Variants in THSD7B observed in about 807,000 individuals in gnomAD.
THSD7B encodes the protein thrombospondin type 1 domain containing 7B.
Under a neutral mutation model 213.6 loss-of-function variants are expected in THSD7B, and 138 were observed. That is an observed-to-expected ratio of 0.65 (90% CI 0.56 to 0.74). The LOEUF is 0.74. Ranked by LOEUF, THSD7B falls within the 30% of genes least tolerant of loss-of-function variation. THSD7B has a pLI of 0.00. For missense variants in THSD7B, 1,931 were observed against 1,991.5 expected (o/e 0.97, Z 0.58); for synonymous variants, 742 against 687.0 (o/e 1.08, Z -1.25).
chr2:136,882,797 T>C (rs1683647544), intron 2 of THSD7B, among the ~76,000 whole-genome samples: 2 of 152,188 alleles, frequency 1.3e-5, no homozygotes, highest in African/African-American at 4.8e-5. Flanking sequence ...TCATTAGTTG[T>C]GACTGCAAAG....
At chr2:137,038,884 G>C (rs1416308273) in intron 2 of THSD7B, among the ~76,000 whole-genome samples, 2 of 152,218 alleles carry the variant, frequency 1.3e-5, no homozygotes, top group Non-Finnish European at 2.9e-5. Context: ...CACCCACCTA[G>C]AAAGTGGAGC....
chr2:136,800,428 T>G (rs1682155407), intron 1 of THSD7B, among the ~76,000 whole-genome samples: 2 of 152,048 alleles, frequency 1.3e-5, no homozygotes, highest in Admixed American at 1.3e-4. Context: ...TAAGTATCCA[T>G]CAGTAGGCGA....
In THSD7B at chr2:137,305,753, G is replaced by T. The variant is rs987982116; in HGVS notation, c.2500+29727G>T. 7.9e-5 allele frequency among the ~76,000 whole-genome samples: 12 copies of T among 152,152 alleles called. No homozygotes were observed. In the South Asian group the frequency reaches 8.4e-4, roughly 11 times the overall value. On this transcript the variant is annotated intron_variant, in intron 12 of 27. Coordinates refer to ENST00000409968, the MANE Select transcript of THSD7B (RefSeq NM_001316349.2). ...CAGTCATGTGTCACTTAATGACAGG[G>T]ATACTTCCTGGGAAATGTGTCTTTA...
rs1173657202 is a variant in THSD7B, at chr2:137,094,933, T to G, written c.1011T>G (p.Cys337Trp). ...TVQSCIMPKDCETSQWSSWSP... is the reference protein window; with the variant it reads ...TVQSCIMPKDWETSQWSSWSP... Reference sequence around the variant, plus strand: ...AGTCCTGCATCATGCCCAAAGACTGTGAAACCTCCCAGTGGTCCTCCTGGA... The same window carrying G: ...AGTCCTGCATCATGCCCAAAGACTGGGAAACCTCCCAGTGGTCCTCCTGGA... Residue 337 changes from cysteine to tryptophan, a missense_variant, in exon 4 of 28, where the codon TGT becomes TGG. Coordinates refer to ENST00000409968, the MANE Select transcript of THSD7B (RefSeq NM_001316349.2). 1 of 1,613,862 alleles carries G rather than the reference T, an allele frequency of 6.2e-7. No individual in the cohort carries two copies. Among genetic ancestry groups the G allele is most frequent in the South Asian group, 1.1e-5 (1 of 91,080 alleles).
chr2:137,659,589 G>C, intron 24 of THSD7B, 75 bp from the exon 25 acceptor site: 1 of 1,405,612 alleles, frequency 7.1e-7, no homozygotes, highest in Non-Finnish European at 9.6e-7. Context: ...GGTGGCACAG[G>C]TTAAAAAAAA....
At chr2:137,081,032 A>G (rs533678096) in intron 3 of THSD7B, among the ~76,000 whole-genome samples, 24 of 152,258 alleles carry the variant, frequency 1.6e-4, no homozygotes, top group African/African-American at 5.8e-4. Flanking sequence ...ACTCTGTTGC[A>G]GCCTTGATTT....
At chr2:136,973,300 A>G (rs1196514943) in intron 2 of THSD7B, among the ~76,000 whole-genome samples, 1 of 152,126 alleles carries the variant, frequency 6.6e-6, no homozygotes, top group African/African-American at 2.4e-5. Flanking sequence ...TGTATAATTA[A>G]TATCTTGTCC....
chr2:136,812,458 C>T (rs1402552939), intron 1 of THSD7B, among the ~76,000 whole-genome samples: 2 of 152,122 alleles, frequency 1.3e-5, no homozygotes, highest in Non-Finnish European at 2.9e-5. Flanking sequence ...TTACATGATT[C>T]TGATAAGACT....
chr2:137,651,336 C>T (rs1351130771), intron 21 of THSD7B, among the ~76,000 whole-genome samples: 2 of 151,792 alleles, frequency 1.3e-5, no homozygotes, highest in Non-Finnish European at 2.9e-5. Context: ...TCAATTTAGT[C>T]TAAGTTCTTC....
intron 15 of THSD7B, among the ~76,000 whole-genome samples, chr2:137,515,357 A>G (rs983297318): frequency 3.3e-5 from 5 of 152,146 alleles, no homozygotes; most frequent in Non-Finnish European, 7.3e-5. Flanking sequence ...CTGAGGCAAT[A>G]ATGATGGCCT....
chr2:137,649,940 A>T (rs1683106364), intron 21 of THSD7B, among the ~76,000 whole-genome samples: 1 of 145,572 alleles, frequency 6.9e-6, no homozygotes, highest in Non-Finnish European at 1.5e-5. Flanking sequence ...TACTAAAATT[A>T]AAAAAAAAAA....
chr2:137,052,460 A>T (rs943331682), intron 2 of THSD7B, among the ~76,000 whole-genome samples: 1 of 152,036 alleles, frequency 6.6e-6, no homozygotes, highest in Non-Finnish European at 1.5e-5. Context: ...TTTTTTCACT[A>T]GGCATATAAA....
intron 1 of THSD7B, among the ~76,000 whole-genome samples, chr2:136,785,597 A>G (rs916879511): frequency 6.6e-6 from 1 of 152,156 alleles, no homozygotes; most frequent in Non-Finnish European, 1.5e-5. Flanking sequence ...TCAAACACAC[A>G]TCCAAGACCA....
At chr2:137,494,630 G>A (rs1679517253) in intron 15 of THSD7B, among the ~76,000 whole-genome samples, 1 of 151,966 alleles carries the variant, frequency 6.6e-6, no homozygotes, top group South Asian at 2.1e-4. Context: ...GACCATCTCT[G>A]CCTACCACAC....
intron 15 of THSD7B, among the ~76,000 whole-genome samples, chr2:137,540,137 G>A (rs1473515507): frequency 6.6e-6 from 1 of 151,652 alleles, no homozygotes; most frequent in African/African-American, 2.4e-5. Context: ...AACTCTGCTA[G>A]AGTAGCACAA....
chr2:137,606,229 G>GA (rs1233610786), intron 17 of THSD7B, among the ~76,000 whole-genome samples: 4 of 151,856 alleles, frequency 2.6e-5, no homozygotes, highest in East Asian at 2.0e-4. Flanking sequence ...GAGGAAAGAG[G>GA]AAAAAAAATG....
intron 10 of THSD7B, among the ~76,000 whole-genome samples, chr2:137,264,256 T>C (rs909062569): frequency 6.6e-6 from 1 of 151,816 alleles, no homozygotes; most frequent in African/African-American, 2.4e-5. Flanking sequence ...CCTTTTTTTT[T>C]TTTTTTCTTT....
intron 2 of THSD7B, among the ~76,000 whole-genome samples, chr2:136,907,174 A>C (rs938555517): frequency 2.0e-5 from 3 of 151,902 alleles, no homozygotes; most frequent in African/African-American, 7.3e-5. Context: ...CGAACTCCTG[A>C]CCTCAGGTGA....
At chr2:137,309,279 T>A (rs1377356186) in intron 12 of THSD7B, among the ~76,000 whole-genome samples, 2 of 150,412 alleles carry the variant, frequency 1.3e-5, no homozygotes, top group African/African-American at 4.9e-5. Flanking sequence ...CAGACATTAC[T>A]TCTCAGAGTT....
Sources: allele counts gnomAD v4.1 joint callset (sites outside exome capture counted in the v4.1 genomes callset), GRCh38; gene constraint gnomAD v4.1.1; transcripts MANE v1.5; gene names NCBI Gene and HGNC (gene_info 2026-07-23, HGNC 2026-07-21).